Variants in ARHGAP15 observed in about 807,000 individuals in gnomAD.
ARHGAP15 encodes the protein rho GTPase-activating protein 15.
Under a neutral mutation model 63.7 loss-of-function variants are expected in ARHGAP15, and 51 were observed. That is an observed-to-expected ratio of 0.80 (90% confidence interval 0.64 to 1.01). The LOEUF (loss-of-function observed/expected upper bound fraction) is 1.01. Ranked by LOEUF, ARHGAP15 falls within the 50% of genes least tolerant of loss-of-function variation. The probability of loss-of-function intolerance (pLI) is 0.00; values close to 1 mark genes in which losing one functional copy is unlikely to be tolerated. For missense variants in ARHGAP15, 560 were observed against 564.6 expected (o/e 0.99, Z 0.08); for synonymous variants, 191 against 193.8 (o/e 0.99, Z 0.12).
intron 8 of ARHGAP15, among the ~76,000 whole-genome samples, chr2:143,476,482 T>C (rs759692007): frequency 7.9e-5 from 12 of 152,176 alleles, no homozygotes; most frequent in Non-Finnish European, 1.6e-4. Context: ...GAAAACATTC[T>C]AAGGTTTGGG....
chr2:143,270,516 G>A (rs1681222435), intron 6 of ARHGAP15, among the ~76,000 whole-genome samples: 1 of 152,190 alleles, frequency 6.6e-6, no homozygotes, highest in African/African-American at 2.4e-5. Flanking sequence ...TGTGTAGTAT[G>A]AAGTAACTCA....
At chr2:143,142,443 T>C (rs2104990692) in intron 1 of ARHGAP15, among the ~76,000 whole-genome samples, 1 of 152,250 alleles carries the variant, frequency 6.6e-6, no homozygotes, top group Admixed American at 6.6e-5. Context: ...CTCATTTTCC[T>C]AAATTGAAAG....
chr2:143,440,460 G>A (rs1372439583), intron 8 of ARHGAP15, among the ~76,000 whole-genome samples: 1 of 152,028 alleles, frequency 6.6e-6, no homozygotes, highest in East Asian at 1.9e-4. Flanking sequence ...GGCTTCCTGT[G>A]CCCTTGATGT....
chr2:143,731,125 C>T (rs1685515646), intron 13 of ARHGAP15, among the ~76,000 whole-genome samples: 1 of 152,034 alleles, frequency 6.6e-6, no homozygotes, highest in African/African-American at 2.4e-5. Context: ...GCTCAATCCT[C>T]TCATTTCAAA....
At chr2:143,667,682 A>G (rs1380481744) in intron 12 of ARHGAP15, among the ~76,000 whole-genome samples, 2 of 151,956 alleles carry the variant, frequency 1.3e-5, no homozygotes, top group Non-Finnish European at 1.5e-5. Context: ...ATAACTTATT[A>G]TAAAATTTCA....
chr2:143,541,541 A>G lies in ARHGAP15; in HGVS notation c.926-14867A>G, dbSNP rs189691220. ...CTTTGGTCTTTGATGGTGGTGACAT[A>G]CAGATGGGTTTTTGGTGTGGATGTC... is the stretch of plus-strand genomic sequence containing the variant. On this transcript the variant is annotated intron_variant, in intron 10 of 13. Transcript: ENST00000295095. 2.1e-3 allele frequency among the ~76,000 whole-genome samples: 322 copies of G among 152,228 alleles called. 1 individual carries two copies. Among genetic ancestry groups the G allele is most frequent in the African/African-American group, 7.4e-3 (306 of 41,546 alleles).
chr2:143,381,074 G>T (rs1687035127), intron 6 of ARHGAP15, among the ~76,000 whole-genome samples: 1 of 152,080 alleles, frequency 6.6e-6, no homozygotes, highest in Admixed American at 6.6e-5. Flanking sequence ...ATTGTTTAGA[G>T]TCATTTGCAT....
rs531592248 is a variant in ARHGAP15 at position 143,429,609 on chromosome 2, C to T, written c.475-5992C>T. ...TACATGCAAATCAATCAACCCCAAACACATTGAAAACATATCCAATAAGCG... is the reference window on the plus strand; with the variant it reads ...TACATGCAAATCAATCAACCCCAAATACATTGAAAACATATCCAATAAGCG... On this transcript the variant is annotated intron_variant, in intron 6 of 13. Transcript: ENST00000295095. Among the ~76,000 whole-genome samples the T allele has an allele frequency of 3.3e-5, 5 of 152,212 alleles. No homozygotes were observed. In the South Asian group the frequency reaches 1.0e-3, roughly 32 times the overall value.
chr2:143,416,856 CCCAACACCACTCCA>C (rs1688712662), intron 6 of ARHGAP15, among the ~76,000 whole-genome samples: 3 of 143,938 alleles, frequency 2.1e-5, no homozygotes, highest in Non-Finnish European at 3.1e-5. Context: ...CCCCCACGCC[CCCAACACCACTCCA>C]CCAGAAGCTT....
chr2:143,556,349 T>G, intron 10 of ARHGAP15, 59 bp from the exon 11 acceptor site: 1 of 1,318,458 alleles, frequency 7.6e-7, no homozygotes, highest in Non-Finnish European at 1.1e-6. Context: ...TCATAGATTT[T>G]TTTTAAACCA....
intron 6 of ARHGAP15, among the ~76,000 whole-genome samples, chr2:143,282,808 T>G (rs1681916040): frequency 6.6e-6 from 1 of 152,170 alleles, no homozygotes; most frequent in African/African-American, 2.4e-5. Context: ...CTTCTCACAC[T>G]GGCATGCTAT....
intron 9 of ARHGAP15, among the ~76,000 whole-genome samples, chr2:143,515,543 G>A (rs1349648791): frequency 6.6e-6 from 1 of 152,088 alleles, no homozygotes; most frequent in East Asian, 1.9e-4. Flanking sequence ...TTCAAAGATG[G>A]ATTAAAAGAA....
At chr2:143,482,977 G>A (rs1045492223) in intron 8 of ARHGAP15, among the ~76,000 whole-genome samples, 2 of 152,170 alleles carry the variant, frequency 1.3e-5, no homozygotes, top group African/African-American at 4.8e-5. Flanking sequence ...GGAAGTTGAC[G>A]TTCTAGTCTG....
chr2:143,727,821 G>A (rs1411696215), intron 13 of ARHGAP15, among the ~76,000 whole-genome samples: 6 of 152,118 alleles, frequency 3.9e-5, no homozygotes, highest in Non-Finnish European at 5.9e-5. Flanking sequence ...ACCTTCAAAT[G>A]CCTATGGAGC....
intron 3 of ARHGAP15, among the ~76,000 whole-genome samples, chr2:143,211,333 G>A (rs966678172): frequency 1.5e-5 from 2 of 133,460 alleles, no homozygotes; most frequent in East Asian, 2.6e-4. Context: ...TAGTGGAGAA[G>A]TAAAAAATGG....
intron 6 of ARHGAP15, among the ~76,000 whole-genome samples, chr2:143,256,292 G>A (rs1462089466): frequency 6.6e-6 from 1 of 152,066 alleles, no homozygotes; most frequent in African/African-American, 2.4e-5. Context: ...GTTGAGAGAG[G>A]TAAATATCTG....
chr2:143,314,050 G>GCA (rs1683582717), intron 6 of ARHGAP15, among the ~76,000 whole-genome samples: 1 of 151,074 alleles, frequency 6.6e-6, no homozygotes, highest in Non-Finnish European at 1.5e-5. Flanking sequence ...ACTCTAGAAA[G>GCA]CACATGGTCT....
chr2:143,249,524 A>C (rs1680035243), intron 5 of ARHGAP15, among the ~76,000 whole-genome samples: 1 of 152,172 alleles, frequency 6.6e-6, no homozygotes, highest in African/African-American at 2.4e-5. Flanking sequence ...TAAAATTCTG[A>C]AGTATTTTAT....
intron 6 of ARHGAP15, among the ~76,000 whole-genome samples, chr2:143,395,818 A>C (rs1259474578): frequency 6.6e-6 from 1 of 152,082 alleles, no homozygotes; most frequent in Non-Finnish European, 1.5e-5. Flanking sequence ...TGAGGTAGAC[A>C]GAAACGTAAT....
Sources: gnomAD v4.1 joint callset for allele counts (sites outside exome capture counted in the v4.1 genomes callset) on GRCh38, gnomAD v4.1.1 for gene constraint, MANE v1.5 for transcripts, NCBI Gene and HGNC (gene_info 2026-07-23, HGNC 2026-07-21) for gene names.